NRXN3: variants seen among roughly 807,000 people sequenced by gnomAD.
NRXN3 encodes neurexin 3.
NRXN3 carries 32 observed loss-of-function variants against 137.6 expected under a neutral mutation model. The ratio of observed to expected loss-of-function variants is 0.23; its 90% CI spans 0.18 to 0.31. NRXN3 has a LOEUF of 0.31. Among genes scored for constraint, NRXN3 ranks in the 10% least tolerant of loss-of-function variants. The pLI is 1.00. For synonymous variants in NRXN3, 798 were observed against 784.5 expected (o/e 1.02, Z -0.29); for missense variants, 1,574 against 2,062.5 (o/e 0.76, Z 4.59).
intron 6 of NRXN3, among the ~76,000 whole-genome samples, chr14:78,655,916 T>C (rs2152654906): frequency 6.6e-6 from 1 of 152,232 alleles, no homozygotes; most frequent in Non-Finnish European, 1.5e-5. Context: ...GTTTTCTTAT[T>C]GTGTTCTCAC....
chr14:79,493,291 T>C (rs1376909890), intron 16 of NRXN3, among the ~76,000 whole-genome samples: 1 of 152,222 alleles, frequency 6.6e-6, no homozygotes, highest in Non-Finnish European at 1.5e-5. Flanking sequence ...CAAAAGGTAA[T>C]TAATGAGTAC....
intron 16 of NRXN3, among the ~76,000 whole-genome samples, chr14:79,600,676 G>T (rs770447399): frequency 1.1e-4 from 16 of 152,266 alleles, no homozygotes; most frequent in Middle Eastern, 3.4e-3. Flanking sequence ...AGAGTGGGGA[G>T]AGAGTGAGCT....
intron 16 of NRXN3, among the ~76,000 whole-genome samples, chr14:79,546,760 G>A (rs1028734875): frequency 3.9e-5 from 6 of 152,100 alleles, no homozygotes; most frequent in Admixed American, 2.0e-4. Flanking sequence ...CTCAAGCATG[G>A]ACTGTTCATC....
At chr14:79,537,887 A>C (rs2097228776) in intron 16 of NRXN3, among the ~76,000 whole-genome samples, 1 of 152,176 alleles carries the variant, frequency 6.6e-6, no homozygotes, top group Non-Finnish European at 1.5e-5. Context: ...ACAATGGTTG[A>C]ACTAGTTTAC....
intron 8 of NRXN3, among the ~76,000 whole-genome samples, chr14:78,785,257 T>C (rs2098785342): frequency 6.6e-6 from 1 of 152,160 alleles, no homozygotes; most frequent in African/African-American, 2.4e-5. Context: ...CTTGATCATC[T>C]AGTGTTTTGC....
At chr14:79,858,107 AC>A (rs1039380906) in intron 20 of NRXN3, among the ~76,000 whole-genome samples, 26 of 151,250 alleles carry the variant, frequency 1.7e-4, no homozygotes, top group Admixed American at 1.5e-3. Context: ...AAGCTTCAGA[AC>A]CCTCTTACTG....
At chr14:79,266,270 A>T (rs2078452538) in intron 15 of NRXN3, among the ~76,000 whole-genome samples, 1 of 152,158 alleles carries the variant, frequency 6.6e-6, no homozygotes, top group African/African-American at 2.4e-5. Flanking sequence ...TTTCTATATT[A>T]CTTCAAAACC....
chr14:79,556,559 C>G (rs1024477519), intron 16 of NRXN3, among the ~76,000 whole-genome samples: 4 of 151,870 alleles, frequency 2.6e-5, no homozygotes, highest in Admixed American at 2.0e-4. Flanking sequence ...CCTGTTTGTT[C>G]TATTTATTTT....
At position 78,351,802 on chromosome 14, in the gene NRXN3, A is replaced by C. The variant is rs554596086; in HGVS notation, c.757+53942A>C. On this transcript the variant is annotated intron_variant, in intron 4 of 20. Coordinates refer to ENST00000335750, the MANE Select transcript of NRXN3 (RefSeq NM_001330195.2). Reference sequence around the variant, plus strand: ...TTTTTCTTTTTTTTTTTTTTTTGCCAAAAAGAGGTTTTAACATTTTGATGT... The same window carrying C: ...TTTTTCTTTTTTTTTTTTTTTTGCCCAAAAGAGGTTTTAACATTTTGATGT... Among the ~76,000 whole-genome samples, 743 of 133,408 alleles carry C rather than the reference A, an allele frequency of 5.6e-3. 3 individuals carry two copies. The highest frequency in any genetic ancestry group is 8.8e-3 in the Non-Finnish European group (539 of 61,584). 87.5% of individuals were successfully genotyped at this position (133,408 alleles called of 152,430 possible).
intron 1 of NRXN3, among the ~76,000 whole-genome samples, chr14:78,228,164 T>TC (rs1207240479): frequency 6.7e-6 from 1 of 150,200 alleles, no homozygotes; most frequent in Admixed American, 6.6e-5. Flanking sequence ...TTTCTTTTTT[T>TC]TTTTTTTTTT....
chr14:78,458,325 T>A (rs987186122), intron 4 of NRXN3, among the ~76,000 whole-genome samples: 1 of 152,136 alleles, frequency 6.6e-6, no homozygotes, highest in African/African-American at 2.4e-5. Context: ...CAGGGACTCT[T>A]AGGTGTGAAG....
At chr14:79,570,320 C>CT (rs1448008995) in intron 16 of NRXN3, among the ~76,000 whole-genome samples, 1 of 152,136 alleles carries the variant, frequency 6.6e-6, no homozygotes, top group Non-Finnish European at 1.5e-5. Flanking sequence ...ACTCAAAGAC[C>CT]TTCAGGGACC....
At chr14:79,779,392 C>T (rs1007676812) in intron 19 of NRXN3, among the ~76,000 whole-genome samples, 19 of 152,158 alleles carry the variant, frequency 1.2e-4, no homozygotes, top group South Asian at 8.3e-4. Flanking sequence ...GGATTACAGG[C>T]GTGAGCCACC....
At chr14:79,311,009 A>G (rs374068864) in intron 15 of NRXN3, among the ~76,000 whole-genome samples, 41 of 126,458 alleles carry the variant, frequency 3.2e-4, no homozygotes, top group African/African-American at 1.1e-3. Context: ...CCTGTCTTGT[A>G]CCAGTTTTCA....
chr14:79,213,827 G>A (rs192383873), intron 15 of NRXN3, among the ~76,000 whole-genome samples: 1 of 152,232 alleles, frequency 6.6e-6, no homozygotes, highest in African/African-American at 2.4e-5. Flanking sequence ...CCAGAAGGAG[G>A]GACTGGCCCT....
intron 4 of NRXN3, among the ~76,000 whole-genome samples, chr14:78,459,518 G>T (rs988887459): frequency 7.9e-5 from 12 of 152,132 alleles, no homozygotes; most frequent in African/African-American, 2.9e-4. Context: ...ACAGGATTCT[G>T]CCCTTTCTCC....
rs541645743 is a variant in NRXN3 at position 78,671,669 on chromosome 14, A to G, written c.1221+20343A>G. On this transcript the variant is annotated intron_variant, in intron 6 of 20. Coordinates refer to ENST00000335750, the MANE Select transcript of NRXN3 (RefSeq NM_001330195.2). Reference sequence around the variant, plus strand: ...TAAAAATACGTTTATGCATTTTCCTATAATTTGTGTTTTGCATTTATATTC... The same window carrying G: ...TAAAAATACGTTTATGCATTTTCCTGTAATTTGTGTTTTGCATTTATATTC... 2.0e-5 allele frequency among the ~76,000 whole-genome samples: 3 copies of G among 152,340 alleles called. No individual in the cohort carries two copies. In the East Asian group the frequency reaches 5.8e-4, roughly 29 times the overall value.
chr14:79,178,345 C>CT lies in NRXN3; in HGVS notation c.3262+190212dup, dbSNP rs200520705. On this transcript the variant is annotated intron_variant, in intron 15 of 20. Coordinates refer to ENST00000335750, the MANE Select transcript of NRXN3 (RefSeq NM_001330195.2). ...TAAGCGTCTTGGCAAGTGTCTCTGTCTTTTTTTTAATTGTCTGATAATTTA... is the reference window on the plus strand; with the variant it reads ...TAAGCGTCTTGGCAAGTGTCTCTGTCTTTTTTTTTAATTGTCTGATAATTTA... Among the ~76,000 whole-genome samples, 51 of 152,132 alleles carry CT rather than the reference C, an allele frequency of 3.4e-4. 1 individual carries two copies. The highest frequency in any genetic ancestry group is 1.0e-3 in the African/African-American group (43 of 41,494).
intron 2 of NRXN3, among the ~76,000 whole-genome samples, chr14:78,265,096 A>G (rs2071471586): frequency 6.6e-6 from 1 of 152,198 alleles, no homozygotes; most frequent in Non-Finnish European, 1.5e-5. Context: ...TCTTTTTCTG[A>G]ATACTAAAAA....
Sources: allele counts gnomAD v4.1 joint callset (sites outside exome capture counted in the v4.1 genomes callset), GRCh38; gene constraint gnomAD v4.1.1; transcripts MANE v1.5; gene names NCBI Gene and HGNC (gene_info 2026-07-23, HGNC 2026-07-21).